Variants in WBP1L observed in about 807,000 individuals in gnomAD.
WBP1L encodes the protein WW domain binding protein 1-like.
In WBP1L, 17 loss-of-function variants were observed where a neutral mutation model predicts 33.7. The ratio of observed to expected loss-of-function variants is 0.50; its 90% CI spans 0.34 to 0.76. WBP1L has a LOEUF of 0.76. Among genes scored for constraint, WBP1L ranks in the 30% least tolerant of loss-of-function variants. The pLI, the probability that WBP1L is intolerant of heterozygous loss-of-function variation, is 0.01. For missense variants in WBP1L, 389 were observed against 469.4 expected (o/e 0.83, Z 1.58); for synonymous variants, 173 against 190.8 (o/e 0.91, Z 0.77).
At chr10:102,767,189 C>T (rs1375382748) in intron 1 of WBP1L, among the ~76,000 whole-genome samples, 1 of 152,130 alleles carries the variant, frequency 6.6e-6, no homozygotes, top group Non-Finnish European at 1.5e-5. Flanking sequence ...TTTCAGAGAC[C>T]CCTGCACATT....
intron 1 of WBP1L, among the ~76,000 whole-genome samples, chr10:102,785,153 C>T (rs1843397232): frequency 2.7e-5 from 4 of 149,402 alleles, no homozygotes; most frequent in Admixed American, 1.3e-4. Flanking sequence ...GGATTACAGG[C>T]GTGAGCCACT....
chr10:102,808,577 G>C (rs527419276), intron 2 of WBP1L, among the ~76,000 whole-genome samples: 136 of 152,358 alleles, frequency 8.9e-4, no homozygotes, highest in African/African-American at 3.1e-3. Flanking sequence ...GCAAGGGCAG[G>C]CCAAAGGGAG....
At chr10:102,804,650 G>A (rs574158794) in intron 2 of WBP1L, among the ~76,000 whole-genome samples, 8 of 152,272 alleles carry the variant, frequency 5.3e-5, no homozygotes, top group African/African-American at 1.9e-4. Flanking sequence ...TCGAAGGTTG[G>A]ATGAGAGTTT....
intron 1 of WBP1L, among the ~76,000 whole-genome samples, chr10:102,783,537 T>A (rs1432660334): frequency 6.6e-6 from 1 of 152,192 alleles, no homozygotes; most frequent in Non-Finnish European, 1.5e-5. Flanking sequence ...TGTGAGGCAC[T>A]CGGAGAACAA....
chr10:102,789,052 T>G (rs773986640), intron 1 of WBP1L, among the ~76,000 whole-genome samples: 6 of 152,140 alleles, frequency 3.9e-5, no homozygotes, highest in Non-Finnish European at 4.4e-5. Flanking sequence ...CTCCACCGCC[T>G]GGGTTCAAGT....
chr10:102,768,228 C>G (rs998286771), intron 1 of WBP1L, among the ~76,000 whole-genome samples: 2 of 151,862 alleles, frequency 1.3e-5, no homozygotes, highest in African/African-American at 4.8e-5. Flanking sequence ...GCATGTGCCA[C>G]CATGCCCGGC....
intron 1 of WBP1L, among the ~76,000 whole-genome samples, chr10:102,784,530 T>A (rs973857919): frequency 2.3e-4 from 35 of 150,236 alleles, no homozygotes; most frequent in Non-Finnish European, 4.4e-4. Context: ...GGTTCACGCC[T>A]TTCTCCTGCC....
rs35080340 is a variant in WBP1L, at chr10:102,810,395, CTCTTTCTT to C, written c.355+356_355+363del. On this transcript the variant is annotated intron_variant, in intron 3 of 3. Coordinates refer to ENST00000448841, the MANE Select transcript of WBP1L (RefSeq NM_001083913.2). ...CCTTCCTTCCTCCCTCCCTCTTTCT[CTCTTTCTT>C]TCTTTCTTTCTTTCCCTGCCTGCCT... 2.0e-4 allele frequency among the ~76,000 whole-genome samples: 25 copies of C among 125,988 alleles called. 1 individual carries two copies. Among genetic ancestry groups the C allele is most frequent in the Non-Finnish European group, 2.5e-4 (15 of 60,924 alleles). 82.7% of individuals were successfully genotyped at this position (125,988 alleles called of 152,430 possible).
At chr10:102,757,277 A>G (rs1277804624) in intron 1 of WBP1L, among the ~76,000 whole-genome samples, 1 of 152,122 alleles carries the variant, frequency 6.6e-6, no homozygotes, top group Non-Finnish European at 1.5e-5. Context: ...CTGCCTCAGC[A>G]TCCCAAGTAG....
intron 3 of WBP1L, among the ~76,000 whole-genome samples, chr10:102,810,746 T>C (rs1366753205): frequency 6.6e-6 from 1 of 151,664 alleles, no homozygotes. Context: ...TTTGTGTTTT[T>C]AGTAGAGACA....
chr10:102,748,180 T>C (rs950037953), intron 1 of WBP1L, among the ~76,000 whole-genome samples: 19 of 151,000 alleles, frequency 1.3e-4, no homozygotes, highest in Non-Finnish European at 2.2e-4. Context: ...GGCGTGAACC[T>C]GGGAGGCGGA....
rs959157603 is a variant in WBP1L, at chr10:102,799,637, C to T, written c.193+1542C>T. ...GTCTCTTGAGAAAGGAGACTGCAGG[C>T]GGTTTCCCCAGATGATTCTAAGCCC... On this transcript the variant is annotated intron_variant, in intron 2 of 3. Transcript: ENST00000448841. Among the ~76,000 whole-genome samples the T allele has an allele frequency of 3.9e-5, 6 of 152,214 alleles. No homozygotes were observed. In the East Asian group the frequency reaches 5.8e-4, roughly 15 times the overall value.
chr10:102,786,810 T>C (rs1843421945), intron 1 of WBP1L, among the ~76,000 whole-genome samples: 1 of 152,204 alleles, frequency 6.6e-6, no homozygotes, highest in Non-Finnish European at 1.5e-5. Flanking sequence ...CACTGTGGGC[T>C]CATCTTGAAG....
chr10:102,783,498 A>G (rs191784510), intron 1 of WBP1L, among the ~76,000 whole-genome samples: 1 of 152,194 alleles, frequency 6.6e-6, no homozygotes, highest in East Asian at 1.9e-4. Context: ...GCCCACGGGG[A>G]ATTTAGAGCG....
intron 3 of WBP1L, 113 bp downstream of exon 3, chr10:102,810,167 C>A: frequency 7.3e-7 from 1 of 1,369,346 alleles, no homozygotes. Context: ...TTTGTCCTCT[C>A]CCTGCCCCTC....
chr10:102,813,622 G>A lies in WBP1L; in HGVS notation c.*291G>A, dbSNP rs1843882979. 2 of 446,978 alleles carry A rather than the reference G, an allele frequency of 4.5e-6. No individual in the cohort carries two copies. The highest frequency in any genetic ancestry group is 8.0e-6 in the Non-Finnish European group (2 of 250,066). The allele number at this position is 446,978 out of a possible 1,614,324, so 27.7% of individuals were successfully genotyped here. A position where few individuals can be genotyped will look rare whatever the true frequency, so the allele number is the denominator to read the frequency against. ...CTTTAAAGTCAAATCTCACCTACCT[G>A]TTTGGGTCAGAGAGATGTGTTTTAA... On this transcript the variant is annotated 3_prime_UTR_variant, in exon 4 of 4. Transcript: ENST00000448841.
At chr10:102,769,107 A>G (rs756319760) in intron 1 of WBP1L, among the ~76,000 whole-genome samples, 1 of 152,194 alleles carries the variant, frequency 6.6e-6, no homozygotes, top group Non-Finnish European at 1.5e-5. Flanking sequence ...GCCTCAGCCT[A>G]CTGAGTAGCT....
At chr10:102,799,108 T>G (rs547988325) in intron 2 of WBP1L, among the ~76,000 whole-genome samples, 1 of 152,194 alleles carries the variant, frequency 6.6e-6, no homozygotes, top group South Asian at 2.1e-4. Context: ...TGTGGATCAC[T>G]TGAGCCCAAG....
chr10:102,795,894 C>T (rs7073114), intron 1 of WBP1L, among the ~76,000 whole-genome samples: 78,738 of 151,954 alleles, frequency 0.52, 21,449 homozygotes, highest in Middle Eastern at 0.63. Flanking sequence ...TTTTTCCACA[C>T]GCACCAGGCT....
Sources: allele counts gnomAD v4.1 joint callset (sites outside exome capture counted in the v4.1 genomes callset), GRCh38; gene constraint gnomAD v4.1.1; transcripts MANE v1.5; gene names NCBI Gene and HGNC (gene_info 2026-07-23, HGNC 2026-07-21).